ETFA: variants seen among roughly 807,000 people sequenced by gnomAD.
ETFA encodes electron transfer flavoprotein subunit alpha, mitochondrial.
In ETFA, 22 loss-of-function variants were observed where a neutral mutation model predicts 46.2. The observed-to-expected ratio is 0.48, with a 90% CI of 0.34 to 0.68. The LOEUF is 0.68. ETFA is among the 30% of genes least tolerant of loss of function. The probability of loss-of-function intolerance (pLI) is 0.01; values close to 1 mark genes in which losing one functional copy is unlikely to be tolerated. For missense variants in ETFA, 345 were observed against 401.1 expected (o/e 0.86, Z 1.19); for synonymous variants, 131 against 139.9 (o/e 0.94, Z 0.45).
chr15:76,228,857 C>T (rs1231908890), intron 10 of ETFA: 1 of 155,648 alleles, frequency 6.4e-6, no homozygotes, highest in Non-Finnish European at 1.4e-5. Context: ...TGGATTCACG[C>T]CATTCTTCTG....
chr15:76,232,675 CATG>C (rs1185121529), intron 9 of ETFA, among the ~76,000 whole-genome samples: 2 of 152,174 alleles, frequency 1.3e-5, no homozygotes, highest in Non-Finnish European at 2.9e-5. Context: ...CTCCTAATGT[CATG>C]ATTTTTCATA....
At chr15:76,248,731 G>A (rs1036530204) in intron 9 of ETFA, among the ~76,000 whole-genome samples, 1 of 151,964 alleles carries the variant, frequency 6.6e-6, no homozygotes, top group Non-Finnish European at 1.5e-5. Flanking sequence ...ACAAAAATTA[G>A]CCAGGTATGG....
At chr15:76,274,364 A>G (rs1258348411) in intron 9 of ETFA, 48 bp downstream of exon 9, 2 of 1,352,848 alleles carry the variant, frequency 1.5e-6, no homozygotes, top group South Asian at 2.5e-5. Flanking sequence ...TACATACAGT[A>G]CTTATCCCCA....
intron 7 of ETFA, 50 bp from the exon 8 acceptor site, chr15:76,283,875 C>T (rs780747854): frequency 7.3e-7 from 1 of 1,364,436 alleles, no homozygotes; most frequent in Non-Finnish European, 1.0e-6. Context: ...CAAATACATT[C>T]TGGAACAATT....
chr15:76,259,204 G>A, intron 9 of ETFA: 1 of 1,532,442 alleles, frequency 6.5e-7, no homozygotes, highest in Non-Finnish European at 9.0e-7. Flanking sequence ...GGCAGCTCCA[G>A]GCTGCCTCCC....
chr15:76,233,090 A>T (rs2039085832), intron 9 of ETFA, among the ~76,000 whole-genome samples: 1 of 152,160 alleles, frequency 6.6e-6, no homozygotes, highest in Non-Finnish European at 1.5e-5. Context: ...TTGGCGTAAT[A>T]AGACTGTGTC....
rs373137532 is a variant in ETFA, at chr15:76,257,728, T to C, written c.816+16684A>G. On this transcript the variant is annotated intron_variant, in intron 9 of 11. Coordinates refer to ENST00000557943, the MANE Select transcript of ETFA (RefSeq NM_000126.4). The stretch of plus-strand genomic sequence containing the variant: ...AAAGACACATGCACACGTATGTTTA[T>C]TGCAGCACTATTCACAATAGAAAAG... 4.8e-3 allele frequency among the ~76,000 whole-genome samples: 728 copies of C among 152,142 alleles called. 3 individuals carry two copies. The highest frequency in any genetic ancestry group is 8.1e-3 in the South Asian group (39 of 4,820).
At chr15:76,276,338 C>T (rs1193179024) in intron 8 of ETFA, among the ~76,000 whole-genome samples, 1 of 151,950 alleles carries the variant, frequency 6.6e-6, no homozygotes, top group Non-Finnish European at 1.5e-5. Context: ...TGCTCTTGTA[C>T]AGGTATGGTG....
intron 11 of ETFA, 25 bp downstream of exon 11, chr15:76,225,824 G>A (rs200913942): frequency 1.4e-6 from 2 of 1,407,828 alleles, no homozygotes; most frequent in East Asian, 2.3e-5. Flanking sequence ...CTAGATAATA[G>A]CAATTTCTCT....
rs73451298 is a variant in ETFA, at chr15:76,225,152, C to T, written c.963+697G>A. ...AAAAGCTCTAGCATTCTTGGCAAATCCCTGAATAAGGGGGTTTGATGTTAA... is the reference window on the plus strand; with the variant it reads ...AAAAGCTCTAGCATTCTTGGCAAATTCCTGAATAAGGGGGTTTGATGTTAA... On this transcript the variant is annotated intron_variant, in intron 11 of 11. Transcript: ENST00000557943. Among the ~76,000 whole-genome samples, 682 of 152,256 alleles carry T rather than the reference C, an allele frequency of 4.5e-3. 6 individuals are homozygous for T. Among genetic ancestry groups the T allele is most frequent in the African/African-American group, 0.016 (647 of 41,532 alleles).
At chr15:76,218,550 C>T (rs1327944407) in intron 11 of ETFA, among the ~76,000 whole-genome samples, 1 of 152,164 alleles carries the variant, frequency 6.6e-6, no homozygotes, top group Non-Finnish European at 1.5e-5. Flanking sequence ...GGATTACAGG[C>T]GTGAGCCACT....
intron 9 of ETFA, among the ~76,000 whole-genome samples, chr15:76,269,091 G>A (rs984823007): frequency 6.6e-6 from 1 of 152,322 alleles, no homozygotes; most frequent in Middle Eastern, 3.4e-3. Flanking sequence ...CTCTACACTT[G>A]CAGATTTTGT....
At chr15:76,285,041 G>A in intron 7 of ETFA, 1 of 246,408 alleles carries the variant, frequency 4.1e-6, no homozygotes, top group South Asian at 3.4e-5. Flanking sequence ...TTATTTTGTT[G>A]GATGTTTAAT....
At chr15:76,311,163 G>C (rs1246993702) in intron 1 of ETFA, among the ~76,000 whole-genome samples, 187 bp downstream of exon 1, 7 of 152,224 alleles carry the variant, frequency 4.6e-5, no homozygotes, top group Non-Finnish European at 1.0e-4. Flanking sequence ...CTTCTGCCCC[G>C]AACTGGCGTT....
intron 9 of ETFA, among the ~76,000 whole-genome samples, chr15:76,243,275 AAAAAAGAAAAG>A (rs1309544588): frequency 6.6e-6 from 1 of 152,024 alleles, no homozygotes; most frequent in Admixed American, 6.6e-5. Flanking sequence ...CATCTCAAAA[AAAAAAGAAAAG>A]AAAAAGAAAA....
At chr15:76,249,188 G>GC (rs2039272228) in intron 9 of ETFA, among the ~76,000 whole-genome samples, 1 of 150,530 alleles carries the variant, frequency 6.6e-6, no homozygotes, top group South Asian at 2.1e-4. Flanking sequence ...GAGTGCAATG[G>GC]CGTGATCTTG....
intron 1 of ETFA, among the ~76,000 whole-genome samples, chr15:76,297,380 A>G (rs912413604): frequency 6.6e-6 from 1 of 151,294 alleles, no homozygotes; most frequent in African/African-American, 2.4e-5. Context: ...AAATAAAATT[A>G]ATAAAATAAT....
chr15:76,295,914 C>T lies in ETFA; in HGVS notation c.40-177G>A, dbSNP rs2956874. Among the ~76,000 whole-genome samples, 35 of 106,228 alleles carry T rather than the reference C, an allele frequency of 3.3e-4. 1 individual carries two copies. The highest frequency in any genetic ancestry group is 6.9e-4 in the Non-Finnish European group (33 of 48,054). The allele number at this position is 106,228 out of a possible 152,430, so 69.7% of individuals were successfully genotyped here. On this transcript the variant is annotated intron_variant, in intron 1 of 11. Transcript: ENST00000557943. Reference sequence around the variant, plus strand: ...ATAGCGAAAATCTAGCTATTTGTGTCTATCACTGTACCACTAATATTCTTT... The same window carrying T: ...ATAGCGAAAATCTAGCTATTTGTGTTTATCACTGTACCACTAATATTCTTT...
chr15:76,284,673 A>G (rs1406157167), intron 7 of ETFA: 2 of 162,242 alleles, frequency 1.2e-5, no homozygotes, highest in South Asian at 1.4e-4. Flanking sequence ...TGTATTTTTA[A>G]TAGAGACGGG....
Sources: gnomAD v4.1 joint callset for allele counts (sites outside exome capture counted in the v4.1 genomes callset) on GRCh38, gnomAD v4.1.1 for gene constraint, MANE v1.5 for transcripts, NCBI Gene and HGNC (gene_info 2026-07-23, HGNC 2026-07-21) for gene names.